Variants in RBKS observed in about 807,000 individuals in gnomAD.
RBKS encodes the protein ribokinase.
In RBKS, 33 loss-of-function variants were observed where a neutral mutation model predicts 33.9. The ratio of observed to expected loss-of-function variants is 0.97; its 90% CI spans 0.74 to 1.30. The LOEUF (loss-of-function observed/expected upper bound fraction) is 1.30, where lower values mean the gene tolerates loss of function less well. RBKS is among the 50% of genes most tolerant of loss of function. The probability of loss-of-function intolerance (pLI) is 0.00; values close to 1 mark genes in which losing one functional copy is unlikely to be tolerated. For synonymous variants in RBKS, 125 were observed against 143.0 expected (o/e 0.87, Z 0.90); for missense variants, 361 against 392.6 (o/e 0.92, Z 0.68).
At chr2:27,851,244 T>C (rs1663740347) in intron 2 of RBKS, among the ~76,000 whole-genome samples, 1 of 152,150 alleles carries the variant, frequency 6.6e-6, no homozygotes, top group Admixed American at 6.6e-5. Flanking sequence ...TAGAAGTCCT[T>C]TGCCCTCTCT....
At chr2:27,814,667 C>T (rs1678054264) in intron 7 of RBKS, among the ~76,000 whole-genome samples, 1 of 152,162 alleles carries the variant, frequency 6.6e-6, no homozygotes, top group African/African-American at 2.4e-5. Flanking sequence ...GCAGATGTCA[C>T]TATAATCTTT....
Position 27,797,253 on chromosome 2 carries a change from G to A in RBKS, c.796-15465C>T, listed in dbSNP as rs139019474. The stretch of plus-strand genomic sequence containing the variant: ...ATTAGGCAAAGTGGCATTGCGCAAG[G>A]GTGCCCAGCTGAGGGCTGAGAGTGG... On this transcript the variant is annotated intron_variant, in intron 7 of 7. Coordinates refer to ENST00000302188, the MANE Select transcript of RBKS (RefSeq NM_022128.3). Among the ~76,000 whole-genome samples, 4 of 152,328 alleles carry A rather than the reference G, an allele frequency of 2.6e-5. No individual in the cohort carries two copies. In the East Asian group the frequency reaches 7.7e-4, roughly 29 times the overall value.
Position 27,858,305 on chromosome 2 carries a change from T to C in RBKS, c.222+134A>G, listed in dbSNP as rs906817381. ...AGACAGAAGTGGTGGTTGAATGTAT[T>C]AAATGCCACTCTATGTATTACATGC... is the stretch of plus-strand genomic sequence containing the variant. On this transcript the variant is annotated intron_variant, in intron 2 of 7. Transcript: ENST00000302188. 5 of 763,582 alleles carry C rather than the reference T, an allele frequency of 6.5e-6. No individual in the cohort carries two copies. In the African/African-American group the frequency reaches 8.7e-5, roughly 13 times the overall value. The allele number at this position is 763,582 out of a possible 1,614,324, so 47.3% of individuals were successfully genotyped here. A position where few individuals can be genotyped will look rare whatever the true frequency, so the allele number is the denominator to read the frequency against.
chr2:27,847,594 G>C (rs909907501), intron 3 of RBKS, among the ~76,000 whole-genome samples: 1 of 152,218 alleles, frequency 6.6e-6, no homozygotes, highest in Non-Finnish European at 1.5e-5. Context: ...CCCTGAACTG[G>C]AATCAGAAGA....
chr2:27,856,858 T>C (rs1663867389), intron 2 of RBKS, among the ~76,000 whole-genome samples: 1 of 152,172 alleles, frequency 6.6e-6, no homozygotes, highest in South Asian at 2.1e-4. Flanking sequence ...GCTAATCAGG[T>C]ATGAGATGGG....
At chr2:27,847,630 T>G (rs1663646352) in intron 3 of RBKS, among the ~76,000 whole-genome samples, 1 of 152,230 alleles carries the variant, frequency 6.6e-6, no homozygotes, top group Admixed American at 6.5e-5. Flanking sequence ...TGGCTCTAGC[T>G]CCAACCAACT....
chr2:27,838,421 TTTAGGTACCAA>T (rs1663358892), intron 5 of RBKS, among the ~76,000 whole-genome samples: 3 of 152,182 alleles, frequency 2.0e-5, no homozygotes, highest in Non-Finnish European at 4.4e-5. Flanking sequence ...TACATTAAAA[TTTAGGTACCAA>T]TTGCTAGAAT....
chr2:27,854,492 C>T (rs1663812496), intron 2 of RBKS, among the ~76,000 whole-genome samples: 1 of 152,212 alleles, frequency 6.6e-6, no homozygotes, highest in African/African-American at 2.4e-5. Flanking sequence ...TCTAGTTGCT[C>T]TCACTGCTCA....
At chr2:27,789,882 G>C (rs964728634) in intron 7 of RBKS, among the ~76,000 whole-genome samples, 5 of 145,998 alleles carry the variant, frequency 3.4e-5, no homozygotes, top group Non-Finnish European at 6.0e-5. Context: ...GTGTGTGTGT[G>C]TGTGTGTGTG....
At chr2:27,833,935 C>T (rs1383776208) in intron 5 of RBKS, among the ~76,000 whole-genome samples, 1 of 152,200 alleles carries the variant, frequency 6.6e-6, no homozygotes, top group Non-Finnish European at 1.5e-5. Context: ...TCTCTAGCTG[C>T]AGTTCTCAGA....
Position 27,781,384 on chromosome 2 carries a change from G to C in RBKS, c.*231C>G. On this transcript the variant is annotated 3_prime_UTR_variant, in exon 8 of 8. Transcript: ENST00000302188. ...GACAATTGAGGTTACTTGTCTTTAT[G>C]TTTGTACAGATCTTGGTTGTGGAAT... 2.2e-6 allele frequency: 1 copy of C among 451,496 alleles called. No individual in the cohort carries two copies. Among genetic ancestry groups the C allele is most frequent in the Non-Finnish European group, 3.9e-6 (1 of 254,804 alleles). The allele number at this position is 451,496 out of a possible 1,614,324, so 28.0% of individuals were successfully genotyped here.
chr2:27,815,243 TG>T (rs1299769264), intron 7 of RBKS, among the ~76,000 whole-genome samples: 2 of 152,142 alleles, frequency 1.3e-5, no homozygotes, highest in African/African-American at 4.8e-5. Context: ...GGTCTCACTC[TG>T]TTGCCCAGGC....
At chr2:27,826,733 C>A (rs1460584097) in intron 7 of RBKS, among the ~76,000 whole-genome samples, 3 of 152,136 alleles carry the variant, frequency 2.0e-5, no homozygotes, top group Non-Finnish European at 4.4e-5. Context: ...AATAAACAAA[C>A]AATTTGTGTT....
At chr2:27,849,581 A>AAAAAAG (rs1320707235) in intron 2 of RBKS, among the ~76,000 whole-genome samples, 1 of 133,214 alleles carries the variant, frequency 7.5e-6, no homozygotes, top group South Asian at 2.3e-4. Context: ...AAAAAAAAAA[A>AAAAAAG]AAAAAGAAAA....
rs542336917 is a variant in RBKS, at chr2:27,829,471, C to T, written c.607-1716G>A. Among the ~76,000 whole-genome samples the T allele has an allele frequency of 1.3e-4, 19 of 149,926 alleles. No individual in the cohort carries two copies. The South Asian group carries it at 1.3e-3, about 10-fold the overall frequency. On this transcript the variant is annotated intron_variant, in intron 6 of 7. Coordinates refer to ENST00000302188, the MANE Select transcript of RBKS (RefSeq NM_022128.3). ...GCAACCTGTGCCTCCCAGGTTCACA[C>T]GATTCTCCTGCTTCAGCCTCCTGAG...
intron 7 of RBKS, among the ~76,000 whole-genome samples, chr2:27,785,528 G>A (rs182599845): frequency 6.6e-6 from 1 of 152,172 alleles, no homozygotes; most frequent in Admixed American, 6.5e-5. Flanking sequence ...ACTTTGGGAG[G>A]CTGAGGCAGG....
chr2:27,865,986 G>C (rs1664091648), intron 1 of RBKS, among the ~76,000 whole-genome samples: 1 of 151,996 alleles, frequency 6.6e-6, no homozygotes, highest in South Asian at 2.1e-4. Flanking sequence ...AAAAGTCTTT[G>C]TATTTACCCA....
chr2:27,861,870 G>C (rs1663994605), intron 1 of RBKS, among the ~76,000 whole-genome samples: 1 of 151,246 alleles, frequency 6.6e-6, no homozygotes, highest in Non-Finnish European at 1.5e-5. Context: ...GTCCAAGCTG[G>C]TCTTGAACTC....
chr2:27,863,887 C>T (rs1185608777), intron 1 of RBKS, among the ~76,000 whole-genome samples: 1 of 152,182 alleles, frequency 6.6e-6, no homozygotes, highest in Non-Finnish European at 1.5e-5. Context: ...TCTATTTCTA[C>T]CTCTGTAAAA....
Sources: allele counts gnomAD v4.1 joint callset (sites outside exome capture counted in the v4.1 genomes callset), GRCh38; gene constraint gnomAD v4.1.1; transcripts MANE v1.5; gene names NCBI Gene and HGNC (gene_info 2026-07-23, HGNC 2026-07-21).